Variants in PCDHGB4 observed in about 807,000 individuals in gnomAD.
PCDHGB4 encodes the protein protocadherin gamma-B4.
PCDHGB4 carries 38 observed loss-of-function variants against 60.5 expected under a neutral mutation model. The ratio of observed to expected loss-of-function variants is 0.63; its 90% CI spans 0.48 to 0.82. The LOEUF (loss-of-function observed/expected upper bound fraction) is 0.82. Among genes scored for constraint, PCDHGB4 ranks in the 40% least tolerant of loss-of-function variants. The pLI is 0.00. For missense variants in PCDHGB4, 1,109 were observed against 1,209.6 expected (o/e 0.92, Z 1.23); for synonymous variants, 456 against 509.7 (o/e 0.89, Z 1.42).
rs200254467 is a variant in PCDHGB4 at position 141,419,887 on chromosome 5, C to T, written c.2397+29606C>T. 380 of 1,614,050 alleles carry T rather than the reference C, an allele frequency of 2.4e-4. 1 individual carries two copies. The Admixed American group carries it at 2.6e-3, about 11-fold the overall frequency. ...TGCAAGAGGTACTGCCGGATTTCAGCGACCATCCCACACCCTCTGACTCCC... is the reference window on the plus strand; with the variant it reads ...TGCAAGAGGTACTGCCGGATTTCAGTGACCATCCCACACCCTCTGACTCCC... On this transcript the variant is annotated intron_variant, in intron 1 of 3. Transcript: ENST00000519479.
In PCDHGB4 at chr5:141,510,992, T is replaced by C. The variant is rs879030278; in HGVS notation, c.2591T>C (p.Met864Thr). The change falls in exon 4 of 4, where the codon ATG (methionine) becomes ACG (threonine). Residue 864 changes from methionine to threonine, a missense_variant. By Grantham distance (81) the Met-to-Thr change is moderately conservative. Around this residue, in one of 2 missense-constraint regions of PCDHGB4, gnomAD observed 1,068 missense variants for 1,089.9 expected, o/e 0.98. Coordinates refer to ENST00000519479, the MANE Select transcript of PCDHGB4 (RefSeq NM_003736.4). ...SSTLGGGAGT[M>T]GLSARYGPQF... is the part of the protein sequence containing the mutation. ...ACCCTGGGAGGGGGTGCCGGCACCA[T>C]GGGATTGAGCGCCCGCTACGGACCC... The C allele has an allele frequency of 1.9e-6, 3 of 1,614,164 alleles. No individual in the cohort carries two copies. The highest frequency in any genetic ancestry group is 2.5e-6 in the Non-Finnish European group (3 of 1,180,006).
intron 1 of PCDHGB4, among the ~76,000 whole-genome samples, chr5:141,402,439 G>C (rs1278186410): frequency 6.6e-6 from 1 of 151,914 alleles, no homozygotes; most frequent in East Asian, 1.9e-4. Context: ...TCATAAAAAG[G>C]AAATTATAAT....
chr5:141,441,825 C>A, intron 1 of PCDHGB4: 1 of 357,252 alleles, frequency 2.8e-6, no homozygotes, highest in Non-Finnish European at 5.5e-6. Flanking sequence ...CTCTGGAGCG[C>A]AATGGCTTCG....
chr5:141,453,791 A>G (rs979646024), intron 1 of PCDHGB4, among the ~76,000 whole-genome samples: 2 of 152,268 alleles, frequency 1.3e-5, no homozygotes, highest in African/African-American at 2.4e-5. Context: ...ATGGTATATT[A>G]ACTTTGAGTA....
chr5:141,443,392 T>C (rs151260637), intron 1 of PCDHGB4, among the ~76,000 whole-genome samples: 1,653 of 151,736 alleles, frequency 0.011, 7 homozygotes, highest in Middle Eastern at 0.038. Flanking sequence ...GGCTGAGGTG[T>C]GAGGATCACC....
chr5:141,399,833 C>T (rs1233031581), intron 1 of PCDHGB4: 1 of 1,613,140 alleles, frequency 6.2e-7, no homozygotes, highest in Non-Finnish European at 8.5e-7. Context: ...GACGGCTCTG[C>T]GCTCTTCGAT....
chr5:141,403,598 G>A (rs2094431142), intron 1 of PCDHGB4: 1 of 1,613,702 alleles, frequency 6.2e-7, no homozygotes, highest in Non-Finnish European at 8.5e-7. Flanking sequence ...CACGGCCTCG[G>A]ATGGCGGCGA....
At chr5:141,446,894 A>C (rs1413761456) in intron 1 of PCDHGB4, among the ~76,000 whole-genome samples, 3 of 152,118 alleles carry the variant, frequency 2.0e-5, no homozygotes, top group Non-Finnish European at 2.9e-5. Flanking sequence ...TTCATGGCTG[A>C]GCTACTTTTG....
intron 1 of PCDHGB4, among the ~76,000 whole-genome samples, chr5:141,460,124 A>AAT (rs2098982741): frequency 6.6e-6 from 1 of 152,052 alleles, no homozygotes; most frequent in African/African-American, 2.4e-5. Context: ...TTATATATGT[A>AAT]ATATATATAT....
intron 2 of PCDHGB4, among the ~76,000 whole-genome samples, chr5:141,498,971 G>GGGAAGGAA (rs201769957): frequency 0.022 from 2,449 of 111,032 alleles, 52 homozygotes; most frequent in African/African-American, 0.046. Flanking sequence ...GAGGGAGGGA[G>GGGAAGGAA]GGAAGGAAGG....
In PCDHGB4 at chr5:141,489,872, T is replaced by A. The variant is rs2099693206; in HGVS notation, c.2398-4935T>A. 1 of 1,614,090 alleles carries A rather than the reference T, an allele frequency of 6.2e-7. No homozygotes were observed. The highest frequency in any genetic ancestry group is 8.5e-7 in the Non-Finnish European group (1 of 1,180,016). On this transcript the variant is annotated intron_variant, in intron 1 of 3. Coordinates refer to ENST00000519479, the MANE Select transcript of PCDHGB4 (RefSeq NM_003736.4). The surrounding 1 kb of genome is among the most constrained non-coding windows in gnomAD (Gnocchi z 4.5). ...GAAGCCCAGGCAAGACATCAGCTGG[T>A]GCTTACTGCTGTGGATGGGGGGACC...
Position 141,389,349 on chromosome 5 carries a change from A to G in PCDHGB4, c.1465A>G (p.Ile489Val). Residue 489 changes from isoleucine to valine, a missense_variant, in exon 1 of 4, where the codon ATC becomes GTC. Ile to Val is a conservative substitution (Grantham distance 29). Around this residue, in one of 2 missense-constraint regions of PCDHGB4, gnomAD observed 1,068 missense variants for 1,089.9 expected, o/e 0.98. Coordinates refer to ENST00000519479, the MANE Select transcript of PCDHGB4 (RefSeq NM_003736.4). ...GCCCAACGGCCAAGTCTCTTACTGC[A>G]TCATGGCCAGTGACCTGGAGCAGCG... ...LGPNGQVSYC[I>V]MASDLEQREL... The G allele has an allele frequency of 6.2e-7, 1 of 1,613,980 alleles. No homozygotes were observed. Among genetic ancestry groups the G allele is most frequent in the South Asian group, 1.1e-5 (1 of 91,092 alleles).
In PCDHGB4 at chr5:141,390,060, C is replaced by G; in HGVS notation, c.2176C>G (p.Gln726Glu). The G allele has an allele frequency of 1.9e-6, 3 of 1,614,082 alleles. No homozygotes were observed. The highest frequency in any genetic ancestry group is 2.5e-6 in the Non-Finnish European group (3 of 1,179,908). Residue 726 changes from glutamine to glutamate, a missense_variant, in exon 1 of 4, where the codon CAG becomes GAG. Gln to Glu is a conservative substitution (Grantham distance 29). Coordinates refer to ENST00000519479, the MANE Select transcript of PCDHGB4 (RefSeq NM_003736.4). Reference protein sequence around the residue: ...SSSPASWSCFQPGLCVKSESV... With the variant: ...SSSPASWSCFEPGLCVKSESV... ...CAGCCCCGCCTCCTGGAGCTGCTTC[C>G]AGCCTGGTCTCTGTGTTAAATCCGA...
Position 141,487,933 on chromosome 5 carries a change from A to G in PCDHGB4, c.2398-6874A>G. ...CACAGGAGGCTACAGTGCACAGGGT[A>G]CAGTGCACCAGGCAGTCACTTGGAC... is the stretch of plus-strand genomic sequence containing the variant. On this transcript the variant is annotated intron_variant, in intron 1 of 3. Coordinates refer to ENST00000519479, the MANE Select transcript of PCDHGB4 (RefSeq NM_003736.4). This position sits in a 1 kb window ranked among gnomAD's most constrained non-coding sequence, Gnocchi z 5.0. 1 of 612,006 alleles carries G rather than the reference A, an allele frequency of 1.6e-6. No homozygotes were observed. Among genetic ancestry groups the G allele is most frequent in the South Asian group, 2.0e-5 (1 of 49,074 alleles). The allele number at this position is 612,006 out of a possible 1,614,324, so 37.9% of individuals were successfully genotyped here. A position where few individuals can be genotyped will look rare whatever the true frequency, so the allele number is the denominator to read the frequency against.
chr5:141,425,844 G>C (rs985746948), intron 1 of PCDHGB4, among the ~76,000 whole-genome samples: 1 of 152,104 alleles, frequency 6.6e-6, no homozygotes, highest in Admixed American at 6.6e-5. Flanking sequence ...CTCTTTGCTG[G>C]GTTAATGACT....
chr5:141,405,439 A>G (rs1285285172), intron 1 of PCDHGB4: 1 of 1,423,798 alleles, frequency 7.0e-7, no homozygotes, highest in Admixed American at 2.0e-5. Context: ...TTTGTTTTTG[A>G]GACAGAGTCT....
In PCDHGB4 at chr5:141,393,830, T is replaced by C. The variant is rs926004105; in HGVS notation, c.2397+3549T>C. The C allele has an allele frequency of 1.7e-5, 27 of 1,613,872 alleles. No homozygotes were observed. In the African/African-American group the frequency reaches 3.2e-4, roughly 19 times the overall value. On this transcript the variant is annotated intron_variant, in intron 1 of 3. Coordinates refer to ENST00000519479, the MANE Select transcript of PCDHGB4 (RefSeq NM_003736.4). ...CCAAATTGCTCATTTCGGTGGAAGA[T>C]GTAAATGACAATAGACCAGAAGTGA... is the stretch of plus-strand genomic sequence containing the variant.
chr5:141,423,065 G>C, intron 1 of PCDHGB4: 1 of 1,614,138 alleles, frequency 6.2e-7, no homozygotes, highest in Non-Finnish European at 8.5e-7. Flanking sequence ...CTTAAGGCCA[G>C]CGAGCCGGGA....
Position 141,389,266 on chromosome 5 carries a change from A to C in PCDHGB4, c.1382A>C (p.Glu461Ala). 1 of 1,614,022 alleles carries C rather than the reference A, an allele frequency of 6.2e-7. No homozygotes were observed. The highest frequency in any genetic ancestry group is 8.5e-7 in the Non-Finnish European group (1 of 1,179,888). The change falls in exon 1 of 4, where the codon GAG (glutamate) becomes GCG (alanine). Residue 461 changes from glutamate (E) to alanine (A), a missense_variant. Physicochemically the swap from Glu to Ala is moderately radical, Grantham distance 107. Coordinates refer to ENST00000519479, the MANE Select transcript of PCDHGB4 (RefSeq NM_003736.4). The stretch of plus-strand genomic sequence containing the variant: ...TCTTCCTATATAGTCCACGTGGCCG[A>C]GAACAACCCGCCTGGAGCCTCTATT... ...SQSSYIVHVA[E>A]NNPPGASISQ... is the part of the protein sequence containing the mutation.
Sources: allele counts gnomAD v4.1 joint callset (sites outside exome capture counted in the v4.1 genomes callset), GRCh38; gene constraint gnomAD v4.1.1; regional missense constraint gnomAD v4.1.1; non-coding constraint Gnocchi (gnomAD v3.1); transcripts MANE v1.5; gene names NCBI Gene and HGNC (gene_info 2026-07-23, HGNC 2026-07-21).